STK31: variants seen among roughly 807,000 people sequenced by gnomAD.
STK31 encodes the protein serine/threonine-protein kinase 31.
A neutral mutation model predicts 129.7 loss-of-function variants in STK31; 89 were observed. That is an observed-to-expected ratio of 0.69 (90% CI 0.58 to 0.82). STK31 has a LOEUF of 0.82. Among genes scored for constraint, STK31 ranks in the 40% least tolerant of loss-of-function variants. The pLI is 0.00. For missense variants in STK31, 1,187 were observed against 1,176.4 expected (o/e 1.01, Z -0.13); for synonymous variants, 448 against 395.3 (o/e 1.13, Z -1.58).
intron 21 of STK31, 24 bp downstream of exon 21, chr7:23,788,153 T>C (rs779942477): frequency 1.9e-6 from 3 of 1,597,632 alleles, no homozygotes; most frequent in Non-Finnish European, 2.6e-6. Flanking sequence ...GTTTTACAAA[T>C]AGGTTCTAGA....
At chr7:23,824,551 CA>C (rs1793992933) in intron 23 of STK31, among the ~76,000 whole-genome samples, 1 of 151,650 alleles carries the variant, frequency 6.6e-6, no homozygotes, top group Admixed American at 6.6e-5. Context: ...CAAACAGGGA[CA>C]ATTGGACTTC....
At chr7:23,726,656 A>C (rs1787103322) in intron 4 of STK31, among the ~76,000 whole-genome samples, 3 of 151,804 alleles carry the variant, frequency 2.0e-5, no homozygotes. Flanking sequence ...AAAGTACATA[A>C]ATTTTCTCTT....
intron 11 of STK31, among the ~76,000 whole-genome samples, chr7:23,764,501 C>G (rs1422721766): frequency 1.3e-5 from 2 of 152,110 alleles, no homozygotes; most frequent in Non-Finnish European, 2.9e-5. Context: ...TTCTTGATTT[C>G]TGATTTCCTC....
At chr7:23,786,355 A>G (rs1248218362) in intron 18 of STK31, among the ~76,000 whole-genome samples, 153 bp from the exon 19 acceptor site, 1 of 152,160 alleles carries the variant, frequency 6.6e-6, no homozygotes, top group Non-Finnish European at 1.5e-5. Flanking sequence ...AAATTATAGC[A>G]TTCAAAGAAG....
chr7:23,771,142 C>G lies in STK31; in HGVS notation c.1833+18C>G. On this transcript the variant is annotated intron_variant, in intron 14 of 23. Coordinates refer to ENST00000355870, the MANE Select transcript of STK31 (RefSeq NM_031414.5). ...GTATTGAGGTTTGATTGTGCTTTCT[C>G]TTATTGATCTTATAAATTGATGATT... 1.3e-6 allele frequency: 2 copies of G among 1,526,524 alleles called. No homozygotes were observed. Among genetic ancestry groups the G allele is most frequent in the African/African-American group, 1.4e-5 (1 of 70,166 alleles). The allele number at this position is 1,526,524 out of a possible 1,614,324, so 94.6% of individuals were successfully genotyped here. A position where few individuals can be genotyped will look rare whatever the true frequency, so the allele number is the denominator to read the frequency against.
At chr7:23,753,882 C>T (rs1006514286) in intron 9 of STK31, among the ~76,000 whole-genome samples, 7 of 152,092 alleles carry the variant, frequency 4.6e-5, no homozygotes, top group Non-Finnish European at 1.0e-4. Flanking sequence ...AGGAACTTAA[C>T]TCTTGTTTAG....
In STK31 at chr7:23,717,096, G is replaced by C. The variant is rs978277314; in HGVS notation, c.151-385G>C. Among the ~76,000 whole-genome samples, 101 of 41,906 alleles carry C rather than the reference G, an allele frequency of 2.4e-3. No homozygotes were observed. In the Middle Eastern group the frequency reaches 0.047, roughly 19 times the overall value. 27.5% of individuals were successfully genotyped at this position (41,906 alleles called of 152,430 possible). A position where few individuals can be genotyped will look rare whatever the true frequency, so the allele number is the denominator to read the frequency against. On this transcript the variant is annotated intron_variant, in intron 3 of 23. Coordinates refer to ENST00000355870, the MANE Select transcript of STK31 (RefSeq NM_031414.5). ...TTACAGGTGTGAGCCATCGCAACCT[G>C]CTTTTTTTTTTTTTTTTTTTTTTTT...
chr7:23,825,825 C>A (rs1794113481), intron 23 of STK31, among the ~76,000 whole-genome samples: 2 of 152,132 alleles, frequency 1.3e-5, no homozygotes, highest in East Asian at 1.9e-4. Context: ...TTTCAAAGAA[C>A]ATCTTTATTT....
intron 23 of STK31, among the ~76,000 whole-genome samples, chr7:23,829,428 G>T (rs920047459): frequency 5.3e-5 from 8 of 152,196 alleles, no homozygotes; most frequent in African/African-American, 1.9e-4. Context: ...GATGGATCAT[G>T]TCGCTGATTT....
chr7:23,783,684 G>T, intron 17 of STK31, 21 bp downstream of exon 17: 1 of 1,569,110 alleles, frequency 6.4e-7, no homozygotes. Flanking sequence ...TTTCCCTTGC[G>T]AATTACTACT....
chr7:23,726,236 T>C (rs1787060308), intron 4 of STK31: 1 of 151,864 alleles, frequency 6.6e-6, no homozygotes, highest in Non-Finnish European at 1.5e-5. Flanking sequence ...CTGGAAGTGG[T>C]GCTACTGGCA....
chr7:23,761,469 G>A (rs578242152), intron 10 of STK31, among the ~76,000 whole-genome samples: 7 of 150,810 alleles, frequency 4.6e-5, no homozygotes, highest in Admixed American at 3.3e-4. Flanking sequence ...CGCCCAGGCC[G>A]GAGTGCAGTG....
chr7:23,772,241 T>C lies in STK31; in HGVS notation c.1928T>C (p.Leu643Pro), dbSNP rs1294268239. ...ACATTGAAAAGCTTAAAAGCTCTAC[T>C]CAGATGGAAATTGGTTGAAAAGAGT... ...KKTLKSLKALLRWKLVEKSNL... is the reference protein window; with the variant it reads ...KKTLKSLKALPRWKLVEKSNL... The change falls in exon 15 of 24, where the codon CTC becomes CCC. Residue 643 changes from leucine to proline, a missense_variant. This residue lies in a region of STK31 where 975 missense variants were observed against 934.9 expected (regional missense o/e 1.04). Coordinates refer to ENST00000355870, the MANE Select transcript of STK31 (RefSeq NM_031414.5). 1 of 1,608,776 alleles carries C rather than the reference T, an allele frequency of 6.2e-7. No homozygotes were observed. Among genetic ancestry groups the C allele is most frequent in the Admixed American group, 1.7e-5 (1 of 58,820 alleles).
At chr7:23,814,928 G>T (rs1200398794) in intron 22 of STK31, among the ~76,000 whole-genome samples, 2 of 152,078 alleles carry the variant, frequency 1.3e-5, no homozygotes, top group Admixed American at 6.6e-5. Context: ...TGTTTATAGT[G>T]TGTACATCCC....
intron 22 of STK31, among the ~76,000 whole-genome samples, chr7:23,801,845 C>A (rs1457212351): frequency 6.6e-6 from 1 of 151,992 alleles, no homozygotes; most frequent in African/African-American, 2.4e-5. Context: ...AATAAATCGG[C>A]CATTTTTGTG....
chr7:23,721,879 C>G, intron 4 of STK31: 1 of 444,284 alleles, frequency 2.3e-6, no homozygotes, highest in South Asian at 2.1e-5. Context: ...GCTACTGAAG[C>G]TTGTGCATGC....
intron 1 of STK31, chr7:23,710,837 T>G: frequency 1.0e-6 from 1 of 975,402 alleles, no homozygotes; most frequent in Non-Finnish European, 1.2e-6. Context: ...TGTGGAGAGA[T>G]TTCCAAAGTA....
chr7:23,739,230 A>G (rs547664298), intron 8 of STK31, among the ~76,000 whole-genome samples: 1 of 152,350 alleles, frequency 6.6e-6, no homozygotes, highest in South Asian at 2.1e-4. Context: ...ATGACCAGTG[A>G]TGATGGGCTT....
intron 23 of STK31, among the ~76,000 whole-genome samples, chr7:23,816,427 C>T (rs945631196): frequency 2.6e-5 from 4 of 152,172 alleles, no homozygotes; most frequent in Non-Finnish European, 5.9e-5. Flanking sequence ...ATTACAGTTT[C>T]GTGAGTCAGG....
Sources: gnomAD v4.1 joint callset for allele counts (sites outside exome capture counted in the v4.1 genomes callset) on GRCh38, gnomAD v4.1.1 for gene constraint, gnomAD v4.1.1 regional missense constraint, MANE v1.5 for transcripts, NCBI Gene and HGNC (gene_info 2026-07-23, HGNC 2026-07-21) for gene names.